Variants in RIC8B observed in about 807,000 individuals in gnomAD.
RIC8B encodes RIC8 guanine nucleotide exchange factor B.
RIC8B carries 16 observed loss-of-function variants against 57.5 expected under a neutral mutation model. That is an observed-to-expected ratio of 0.28 (90% CI 0.19 to 0.42). RIC8B has a LOEUF of 0.42. Ranked by LOEUF, RIC8B falls within the 10% of genes least tolerant of loss-of-function variation. RIC8B has a pLI of 1.00. For missense variants in RIC8B, 481 were observed against 677.0 expected, an observed-to-expected ratio of 0.71 and a Z score of 3.21; for synonymous variants, 216 against 250.8, an observed-to-expected ratio of 0.86 and a Z score of 1.31.
At chr12:106,783,667 G>A (rs1381992780) in intron 1 of RIC8B, among the ~76,000 whole-genome samples, 1 of 152,062 alleles carries the variant, frequency 6.6e-6, no homozygotes, top group Non-Finnish European at 1.5e-5. Context: ...TTTGTTCCTG[G>A]AATGCATTCC....
At chr12:106,780,809 A>G (rs747084131) in intron 1 of RIC8B, among the ~76,000 whole-genome samples, 3 of 152,236 alleles carry the variant, frequency 2.0e-5, no homozygotes, top group South Asian at 2.1e-4. Flanking sequence ...TAATAGGTCA[A>G]TATTTGGCCA....
At chr12:106,850,928 T>TTA (rs2136463359) in intron 6 of RIC8B, among the ~76,000 whole-genome samples, 1 of 152,194 alleles carries the variant, frequency 6.6e-6, no homozygotes, top group South Asian at 2.1e-4. Flanking sequence ...GGATGCTTAA[T>TTA]CCAGATGTAT....
chr12:106,860,500 T>G, intron 8 of RIC8B, 88 bp downstream of exon 8: 1 of 1,073,782 alleles, frequency 9.3e-7, no homozygotes, highest in Non-Finnish European at 1.3e-6. Context: ...AGTGTTTCTT[T>G]TCTCTTGTGG....
At chr12:106,860,232 A>G in intron 7 of RIC8B, 36 bp from the exon 8 acceptor site, 1 of 1,499,578 alleles carries the variant, frequency 6.7e-7, no homozygotes, top group Non-Finnish European at 8.9e-7. Flanking sequence ...TGAAGACCCA[A>G]GGATTCCTAT....
chr12:106,854,724 G>A (rs1203753570), intron 7 of RIC8B, among the ~76,000 whole-genome samples: 1 of 152,162 alleles, frequency 6.6e-6, no homozygotes, highest in African/African-American at 2.4e-5. Context: ...GGGAGGTGGA[G>A]GTTGCAGTGA....
At chr12:106,779,683 T>A (rs1010791397) in intron 1 of RIC8B, among the ~76,000 whole-genome samples, 45 of 137,594 alleles carry the variant, frequency 3.3e-4, no homozygotes, top group African/African-American at 1.4e-3. Flanking sequence ...AAAAAAAAAT[T>A]TTTTTTTTTT....
intron 1 of RIC8B, among the ~76,000 whole-genome samples, chr12:106,778,520 A>G (rs186771379): frequency 1.3e-3 from 199 of 152,270 alleles, no homozygotes; most frequent in Middle Eastern, 3.4e-3. Flanking sequence ...CCTGCTATGT[A>G]CTATGTATTA....
intron 8 of RIC8B, among the ~76,000 whole-genome samples, chr12:106,865,750 AT>A (rs1269494726): frequency 1.3e-5 from 2 of 151,990 alleles, no homozygotes; most frequent in Non-Finnish European, 2.9e-5. Context: ...TGTTAGTGGG[AT>A]CCTTTTAATA....
chr12:106,819,961 T>G lies in RIC8B; in HGVS notation c.741+4657T>G, dbSNP rs552145587. ...TTCTTACAAAGTCTTTCTAGGTACATTCCTGAAATTGGTGGGCCAGCGGGT... is the reference window on the plus strand; with the variant it reads ...TTCTTACAAAGTCTTTCTAGGTACAGTCCTGAAATTGGTGGGCCAGCGGGT... On this transcript the variant is annotated intron_variant, in intron 3 of 9. Transcript: ENST00000392837. 1.9e-3 allele frequency among the ~76,000 whole-genome samples: 295 copies of G among 152,218 alleles called. 3 individuals carry two copies. The highest frequency in any genetic ancestry group is 6.7e-3 in the African/African-American group (279 of 41,568).
At chr12:106,821,559 C>T (rs536757224) in intron 3 of RIC8B, among the ~76,000 whole-genome samples, 104 of 152,134 alleles carry the variant, frequency 6.8e-4, no homozygotes, top group Middle Eastern at 3.4e-3. Context: ...TTATCTCATG[C>T]AAGTCAAACA....
chr12:106,843,225 G>T (rs1402410685), intron 5 of RIC8B, among the ~76,000 whole-genome samples: 1 of 152,072 alleles, frequency 6.6e-6, no homozygotes, highest in African/African-American at 2.4e-5. Flanking sequence ...TTTCCCATTT[G>T]TTGTGAGCTG....
intron 2 of RIC8B, among the ~76,000 whole-genome samples, chr12:106,805,809 A>G (rs1315626720): frequency 6.6e-6 from 1 of 152,196 alleles, no homozygotes; most frequent in East Asian, 1.9e-4. Context: ...AAGAAAGAAC[A>G]GCCTTTCTTG....
At chr12:106,844,824 A>G (rs1223774501) in intron 6 of RIC8B, among the ~76,000 whole-genome samples, 1 of 152,172 alleles carries the variant, frequency 6.6e-6, no homozygotes, top group Non-Finnish European at 1.5e-5. Flanking sequence ...GATAGATTGG[A>G]GTATGGGTTG....
At chr12:106,841,624 A>T (rs1011445459) in intron 4 of RIC8B, among the ~76,000 whole-genome samples, 2 of 152,066 alleles carry the variant, frequency 1.3e-5, no homozygotes, top group Non-Finnish European at 2.9e-5. Flanking sequence ...TTTAGTCAGG[A>T]TGTGGTTATT....
chr12:106,793,348 T>C (rs2044340719), intron 2 of RIC8B, among the ~76,000 whole-genome samples: 1 of 152,228 alleles, frequency 6.6e-6, no homozygotes, highest in Admixed American at 6.5e-5. Flanking sequence ...GAGTGCTGAA[T>C]GTCTCCTCAA....
chr12:106,805,319 T>C (rs1315258703), intron 2 of RIC8B, among the ~76,000 whole-genome samples: 1 of 152,148 alleles, frequency 6.6e-6, no homozygotes, highest in Non-Finnish European at 1.5e-5. Flanking sequence ...ATTCCACCAA[T>C]CATTCAGTCA....
At chr12:106,846,698 T>C (rs1949202565) in intron 6 of RIC8B, among the ~76,000 whole-genome samples, 1 of 150,268 alleles carries the variant, frequency 6.7e-6, no homozygotes, top group Non-Finnish European at 1.5e-5. Context: ...ACTGTTTAGA[T>C]TTTGCTATCT....
intron 2 of RIC8B, among the ~76,000 whole-genome samples, chr12:106,801,517 A>G (rs540105257): frequency 1.3e-5 from 2 of 152,308 alleles, no homozygotes; most frequent in South Asian, 4.1e-4. Context: ...GAAATTTAGG[A>G]AGTGAGATAC....
intron 6 of RIC8B, among the ~76,000 whole-genome samples, chr12:106,849,573 G>T (rs1176252248): frequency 2.6e-5 from 4 of 151,746 alleles, no homozygotes; most frequent in Non-Finnish European, 4.4e-5. Flanking sequence ...AGACTTAACT[G>T]AATCAGAATC....
Sources: gnomAD v4.1 joint callset for allele counts (sites outside exome capture counted in the v4.1 genomes callset) on GRCh38, gnomAD v4.1.1 for gene constraint, MANE v1.5 for transcripts, NCBI Gene and HGNC (gene_info 2026-07-23, HGNC 2026-07-21) for gene names.